The following HIF1A variants were observed in gnomAD, a reference collection of about 807,000 sequenced individuals.
HIF1A encodes the protein hypoxia inducible factor 1 subunit alpha.
In HIF1A, 24 loss-of-function variants were observed where a neutral mutation model predicts 92.7. The observed-to-expected ratio is 0.26, with a 90% confidence interval of 0.19 to 0.36. The LOEUF is 0.36. Ranked by LOEUF, HIF1A falls within the 10% of genes least tolerant of loss-of-function variation. HIF1A has a pLI of 1.00. For missense variants in HIF1A, 799 were observed against 998.5 expected (o/e 0.80, Z 2.69); for synonymous variants, 319 against 338.7 (o/e 0.94, Z 0.64).
At chr14:61,724,378 T>TCC (rs1555338416) in intron 4 of HIF1A, among the ~76,000 whole-genome samples, 1 of 149,562 alleles carries the variant, frequency 6.7e-6, no homozygotes, top group African/African-American at 2.5e-5. Flanking sequence ...TCTCTCTCTC[T>TCC]CTCCCCCTCC....
Position 61,727,490 on chromosome 14 carries a change from C to T in HIF1A, c.608C>T (p.Thr203Ile), listed in dbSNP as rs768525029. 3.1e-6 allele frequency: 5 copies of T among 1,613,772 alleles called. No homozygotes were observed. Among genetic ancestry groups the T allele is most frequent in the African/African-American group, 1.3e-5 (1 of 74,954 alleles). The change falls in exon 6 of 15, where the codon ACC becomes ATC. Residue 203 changes from threonine to isoleucine, a missense_variant. Physicochemically the swap from Thr to Ile is moderately conservative, Grantham distance 89 (BLOSUM62 -1). Coordinates refer to ENST00000337138, the MANE Select transcript of HIF1A (RefSeq NM_001530.4). ...ACAGGCCACATTCACGTATATGATACCAACAGTAACCAACCTCAGTGTGGG... is the reference window on the plus strand; with the variant it reads ...ACAGGCCACATTCACGTATATGATATCAACAGTAACCAACCTCAGTGTGGG... The part of the protein sequence containing the change: ...HCTGHIHVYD[T>I]NSNQPQCGYK...
intron 14 of HIF1A, among the ~76,000 whole-genome samples, chr14:61,746,581 G>A (rs528729966): frequency 6.6e-6 from 1 of 151,962 alleles, no homozygotes; most frequent in South Asian, 2.1e-4. Context: ...TTTTTGTAGA[G>A]ATGGGGTCTC....
At chr14:61,734,316 G>A in intron 8 of HIF1A, 31 bp downstream of exon 8, 1 of 1,506,062 alleles carries the variant, frequency 6.6e-7, no homozygotes, top group Non-Finnish European at 9.1e-7. Flanking sequence ...AACATTTTTG[G>A]GGAACAAATA....
chr14:61,721,251 A>C (rs1400088322), intron 2 of HIF1A, among the ~76,000 whole-genome samples: 1 of 151,892 alleles, frequency 6.6e-6, no homozygotes, highest in Non-Finnish European at 1.5e-5. Flanking sequence ...AAAAATAATA[A>C]AATAAATAAA....
At chr14:61,729,821 C>T (rs1204143184) in intron 6 of HIF1A, among the ~76,000 whole-genome samples, 1 of 152,058 alleles carries the variant, frequency 6.6e-6, no homozygotes, top group Non-Finnish European at 1.5e-5. Context: ...CAGGAGGTAA[C>T]AGTAAAGACA....
chr14:61,708,957 G>A (rs1221609086), intron 1 of HIF1A, among the ~76,000 whole-genome samples: 2 of 152,120 alleles, frequency 1.3e-5, no homozygotes, highest in African/African-American at 2.4e-5. Context: ...GAGTGCAATG[G>A]TGTAATCTCA....
In HIF1A at chr14:61,721,543, G is replaced by C; in HGVS notation, c.261G>C (p.Gln87His). The part of the protein sequence containing the change: ...DLDIEDDMKA[Q>H]MNCFYLKALD... ...ATATTGAAGATGACATGAAAGCACA[G>C]ATGAATTGCTTTTATTTGAAAGCCT... The change falls in exon 3 of 15, where the codon CAG becomes CAC. Residue 87 changes from glutamine (Q) to histidine (H), a missense_variant. This residue lies in a region of HIF1A where 516 missense variants were observed against 721.0 expected (regional missense o/e 0.72). Coordinates refer to ENST00000337138, the MANE Select transcript of HIF1A (RefSeq NM_001530.4). 6.2e-7 allele frequency: 1 copy of C among 1,612,934 alleles called. No homozygotes were observed. Among genetic ancestry groups the C allele is most frequent in the Non-Finnish European group, 8.5e-7 (1 of 1,179,090 alleles).
intron 3 of HIF1A, 33 bp from the exon 4 acceptor site, chr14:61,721,706 A>G: frequency 6.2e-7 from 1 of 1,610,268 alleles, no homozygotes; most frequent in South Asian, 1.1e-5. Context: ...TGATTTTATG[A>G]TCTAGCCCTA....
At chr14:61,741,601 TC>T (rs1242546465) in intron 12 of HIF1A, among the ~76,000 whole-genome samples, 3 of 152,026 alleles carry the variant, frequency 2.0e-5, no homozygotes, top group African/African-American at 7.2e-5. Context: ...ACTCCCGACT[TC>T]AGGTGATCCG....
chr14:61,721,922 C>G (rs1415683420), intron 4 of HIF1A, 99 bp downstream of exon 4: 1 of 739,444 alleles, frequency 1.4e-6, no homozygotes, highest in African/African-American at 1.8e-5. Context: ...TTACCCAAGG[C>G]AAAATGTTAT....
rs780573087 is a variant in HIF1A at position 61,744,753 on chromosome 14, G to C, written c.2142G>C (p.Gln714His). 6.2e-7 allele frequency: 1 copy of C among 1,603,048 alleles called. No individual in the cohort carries two copies. Among genetic ancestry groups the C allele is most frequent in the Admixed American group, 1.7e-5 (1 of 59,426 alleles). Residue 714 changes from glutamine to histidine, a missense_variant, in exon 13 of 15, where the codon CAG (glutamine) becomes CAC (histidine). By Grantham distance (24) the Gln-to-His change is conservative. Coordinates refer to ENST00000337138, the MANE Select transcript of HIF1A (RefSeq NM_001530.4). ...EELNPKILALQNAQRKRKMEH... is the reference protein window; with the variant it reads ...EELNPKILALHNAQRKRKMEH... ...TAAATCCAAAGATACTAGCTTTGCA[G>C]AATGCTCAGAGAAAGCGAAAAATGG... is the stretch of plus-strand genomic sequence containing the variant.
chr14:61,744,678 TTTCA>T (rs1355065341), intron 12 of HIF1A, 23 bp from the exon 13 acceptor site: 1 of 1,002,836 alleles, frequency 1.0e-6, no homozygotes, highest in Non-Finnish European at 1.5e-6. Context: ...AACGCTATAT[TTTCA>T]TTTAGAATTT....
chr14:61,730,039 G>C (rs1338607591), intron 6 of HIF1A, among the ~76,000 whole-genome samples: 2 of 152,046 alleles, frequency 1.3e-5, no homozygotes, highest in African/African-American at 4.8e-5. Context: ...ACTATACTGA[G>C]TAATAATCAT....
chr14:61,723,591 T>A (rs2044460308), intron 4 of HIF1A, among the ~76,000 whole-genome samples: 1 of 152,176 alleles, frequency 6.6e-6, no homozygotes, highest in African/African-American at 2.4e-5. Context: ...TAGAATTCTG[T>A]ATAAAGGAGG....
chr14:61,744,758 C>T lies in HIF1A; in HGVS notation c.2147C>T (p.Ala716Val). The change falls in exon 13 of 15, where the codon GCT becomes GTT. Residue 716 changes from alanine (A) to valine (V), a missense_variant. Physicochemically the swap from Ala to Val is moderately conservative, Grantham distance 64 (BLOSUM62 0). Around this residue, in one of 2 missense-constraint regions of HIF1A, gnomAD observed 283 missense variants for 277.5 expected, o/e 1.02. Coordinates refer to ENST00000337138, the MANE Select transcript of HIF1A (RefSeq NM_001530.4). ...CCAAAGATACTAGCTTTGCAGAATG[C>T]TCAGAGAAAGCGAAAAATGGAACAT... ...LNPKILALQN[A>V]QRKRKMEHDG... The T allele has an allele frequency of 6.2e-7, 1 of 1,603,104 alleles. No individual in the cohort carries two copies. The highest frequency in any genetic ancestry group is 8.5e-7 in the Non-Finnish European group (1 of 1,172,440).
At chr14:61,725,875 A>G (rs2044497079) in intron 4 of HIF1A, among the ~76,000 whole-genome samples, 1 of 151,230 alleles carries the variant, frequency 6.6e-6, no homozygotes, top group Non-Finnish European at 1.5e-5. Flanking sequence ...GTTGGAGTGC[A>G]GTGGCACAGT....
Position 61,740,492 on chromosome 14 carries a change from T to C in HIF1A, c.1537-13T>C, listed in dbSNP as rs762578838. 6.5e-6 allele frequency: 10 copies of C among 1,547,780 alleles called. No homozygotes were observed. Among genetic ancestry groups the C allele is most frequent in the South Asian group, 3.6e-5 (3 of 83,200 alleles). Reference sequence around the variant, plus strand: ...GCTTCTTCAGGAAATAGTAAACATATTTCTTTTTACAGCCTAATAGTCCCA... The same window carrying C: ...GCTTCTTCAGGAAATAGTAAACATACTTCTTTTTACAGCCTAATAGTCCCA... On this transcript the variant is annotated splice_polypyrimidine_tract_variant and intron_variant, in intron 10 of 14. Transcript: ENST00000337138.
At chr14:61,723,539 TTG>T (rs2044459592) in intron 4 of HIF1A, among the ~76,000 whole-genome samples, 1 of 152,238 alleles carries the variant, frequency 6.6e-6, no homozygotes, top group South Asian at 2.1e-4. Context: ...AAATTTCATA[TTG>T]TGTTTTTACT....
chr14:61,724,121 GTTT>G lies in HIF1A; in HGVS notation c.457+2302_457+2304del, dbSNP rs922521623. ...TTTAATGGTTTGTTTTTGTTTGTTT[GTTT>G]TTTGTTTTTTTTTTCCTCATTAGGA... On this transcript the variant is annotated intron_variant, in intron 4 of 14. Coordinates refer to ENST00000337138, the MANE Select transcript of HIF1A (RefSeq NM_001530.4). Among the ~76,000 whole-genome samples, 4 of 148,486 alleles carry G rather than the reference GTTT, an allele frequency of 2.7e-5. No homozygotes were observed. The Admixed American group carries it at 2.7e-4, about 10-fold the overall frequency.
Sources: allele counts gnomAD v4.1 joint callset (sites outside exome capture counted in the v4.1 genomes callset), GRCh38; gene constraint gnomAD v4.1.1; regional missense constraint gnomAD v4.1.1; transcripts MANE v1.5; gene names NCBI Gene and HGNC (gene_info 2026-07-23, HGNC 2026-07-21).